ME3: variants seen among roughly 807,000 people sequenced by gnomAD.
The protein encoded by ME3 is malic enzyme 3, also known as NADP-dependent malic enzyme, mitochondrial.
Under a neutral mutation model 68.9 loss-of-function variants are expected in ME3, and 48 were observed. The observed-to-expected ratio is 0.70, with a 90% CI of 0.55 to 0.89. ME3 has a LOEUF of 0.89. Ranked by LOEUF, ME3 falls within the 40% of genes least tolerant of loss-of-function variation. ME3 has a pLI of 0.00. For synonymous variants in ME3, 320 were observed against 318.8 expected, an observed-to-expected ratio of 1.00 and a Z score of -0.04; for missense variants, 675 against 797.4, an observed-to-expected ratio of 0.85 and a Z score of 1.85.
chr11:86,532,244 T>G (rs1377466821), intron 4 of ME3, among the ~76,000 whole-genome samples: 1 of 152,180 alleles, frequency 6.6e-6, no homozygotes, highest in Non-Finnish European at 1.5e-5. Flanking sequence ...TTAAAATATC[T>G]GAAGGGTGAG....
intron 2 of ME3, among the ~76,000 whole-genome samples, chr11:86,599,708 C>T (rs1469462881): frequency 6.6e-6 from 1 of 152,132 alleles, no homozygotes; most frequent in African/African-American, 2.4e-5. Flanking sequence ...AGAGAAAGGC[C>T]AGGTTACCCA....
chr11:86,568,805 C>T (rs1957623967), intron 2 of ME3, among the ~76,000 whole-genome samples: 1 of 152,234 alleles, frequency 6.6e-6, no homozygotes, highest in Non-Finnish European at 1.5e-5. Flanking sequence ...ACAATCTCTT[C>T]TCCTTCATTC....
chr11:86,618,614 A>G (rs7939052), intron 2 of ME3, among the ~76,000 whole-genome samples: 39,564 of 151,956 alleles, frequency 0.26, 5,482 homozygotes, highest in African/African-American at 0.35. Flanking sequence ...GCAATCCTCA[A>G]TGTTGGAGGT....
intron 4 of ME3, among the ~76,000 whole-genome samples, chr11:86,524,132 T>C (rs1456051925): frequency 6.6e-6 from 1 of 152,208 alleles, no homozygotes; most frequent in African/African-American, 2.4e-5. Context: ...GACCCACACA[T>C]GCCTCCACTT....
intron 2 of ME3, among the ~76,000 whole-genome samples, chr11:86,561,806 A>C (rs1047068477): frequency 6.6e-6 from 1 of 152,202 alleles, no homozygotes; most frequent in African/African-American, 2.4e-5. Flanking sequence ...GAAGTTACTC[A>C]AGTCAAAACT....
intron 2 of ME3, among the ~76,000 whole-genome samples, chr11:86,560,024 A>G (rs1189498784): frequency 1.3e-5 from 2 of 152,136 alleles, no homozygotes; most frequent in East Asian, 1.9e-4. Context: ...CAGCTTCCTC[A>G]TTGGAAAAAA....
chr11:86,571,774 G>A (rs1565155759), intron 2 of ME3, among the ~76,000 whole-genome samples: 1 of 152,208 alleles, frequency 6.6e-6, no homozygotes, highest in Non-Finnish European at 1.5e-5. Flanking sequence ...TTGTTTTGTG[G>A]AGTAAGCTGG....
chr11:86,618,027 G>C (rs936746192), intron 2 of ME3, among the ~76,000 whole-genome samples: 1 of 152,082 alleles, frequency 6.6e-6, no homozygotes, highest in Non-Finnish European at 1.5e-5. Context: ...TAGGATCATG[G>C]CTGGGCACAG....
chr11:86,667,628 G>A (rs1430371611), intron 2 of ME3: 1 of 152,174 alleles, frequency 6.6e-6, no homozygotes, highest in East Asian at 1.9e-4. Context: ...TAGTGTGGAA[G>A]GCAAACCAAC....
chr11:86,532,951 C>A (rs1435905276), intron 4 of ME3, among the ~76,000 whole-genome samples: 6 of 151,926 alleles, frequency 3.9e-5, no homozygotes, highest in Non-Finnish European at 7.4e-5. Context: ...ACTCAGGAGG[C>A]TGAGGTGGGA....
chr11:86,616,994 T>C (rs1353796201), intron 2 of ME3, among the ~76,000 whole-genome samples: 1 of 150,168 alleles, frequency 6.7e-6, no homozygotes, highest in African/African-American at 2.4e-5. Context: ...ACATGAACTC[T>C]TGTACTACCT....
intron 2 of ME3, among the ~76,000 whole-genome samples, chr11:86,583,574 G>A (rs528229804): frequency 3.9e-5 from 6 of 152,188 alleles, no homozygotes; most frequent in South Asian, 4.1e-4. Context: ...TAATTCATTC[G>A]AAGAAATACT....
chr11:86,577,968 A>C (rs1157121240), intron 2 of ME3, among the ~76,000 whole-genome samples: 1 of 152,192 alleles, frequency 6.6e-6, no homozygotes, highest in Non-Finnish European at 1.5e-5. Context: ...TTTGCTATTG[A>C]AAGATTAGTT....
At chr11:86,640,852 C>G (rs1201613720) in intron 2 of ME3, among the ~76,000 whole-genome samples, 1 of 152,168 alleles carries the variant, frequency 6.6e-6, no homozygotes, top group Non-Finnish European at 1.5e-5. Context: ...TTGATATACA[C>G]AGGAGACTTA....
chr11:86,647,535 G>T (rs995530303), intron 2 of ME3, among the ~76,000 whole-genome samples: 2 of 151,166 alleles, frequency 1.3e-5, no homozygotes, highest in Non-Finnish European at 2.9e-5. Flanking sequence ...ACACACATAG[G>T]CTCAGAATAA....
chr11:86,555,142 T>TGC, intron 4 of ME3, among the ~76,000 whole-genome samples: 1 of 152,192 alleles, frequency 6.6e-6, no homozygotes, highest in East Asian at 1.9e-4. Flanking sequence ...GAGAAGAACA[T>TGC]CAGTGTACTT....
chr11:86,533,843 A>G (rs888682974), intron 4 of ME3, among the ~76,000 whole-genome samples: 1 of 152,156 alleles, frequency 6.6e-6, no homozygotes, highest in Admixed American at 6.5e-5. Context: ...CCTAGATGGT[A>G]TAGCCTATTA....
intron 4 of ME3, among the ~76,000 whole-genome samples, chr11:86,527,602 G>A (rs1021700057): frequency 6.6e-6 from 1 of 152,206 alleles, no homozygotes; most frequent in Non-Finnish European, 1.5e-5. Context: ...AGGGCAGCCA[G>A]AGAGAAAGGT....
chr11:86,443,536 C>T (rs1949122033), intron 13 of ME3, among the ~76,000 whole-genome samples: 1 of 152,234 alleles, frequency 6.6e-6, no homozygotes. Flanking sequence ...GCCACAGGGC[C>T]TGATCCTCCA....
Sources: allele counts gnomAD v4.1 joint callset (sites outside exome capture counted in the v4.1 genomes callset), GRCh38; gene constraint gnomAD v4.1.1; transcripts MANE v1.5; gene names NCBI Gene and HGNC (gene_info 2026-07-23, HGNC 2026-07-21).